IPCEF1: variants seen among roughly 807,000 people sequenced by gnomAD.
IPCEF1 encodes interactor protein for cytohesin exchange factors 1.
IPCEF1 carries 31 observed loss-of-function variants against 50.9 expected under a neutral mutation model. The ratio of observed to expected loss-of-function variants is 0.61; its 90% CI spans 0.46 to 0.82. The LOEUF is 0.82. Among genes scored for constraint, IPCEF1 ranks in the 40% least tolerant of loss-of-function variants. IPCEF1 has a pLI of 0.00. For missense variants in IPCEF1, 458 were observed against 514.0 expected, an observed-to-expected ratio of 0.89 and a Z score of 1.05; for synonymous variants, 181 against 192.0, an observed-to-expected ratio of 0.94 and a Z score of 0.47.
chr6:154,351,805 A>T (rs890536441), intron 1 of IPCEF1, among the ~76,000 whole-genome samples: 1 of 152,214 alleles, frequency 6.6e-6, no homozygotes, highest in Non-Finnish European at 1.5e-5. Flanking sequence ...AAATAGCATA[A>T]AAAGGAACAA....
At chr6:154,340,915 G>GTA (rs201360728) in intron 1 of IPCEF1, among the ~76,000 whole-genome samples, 1 of 101,572 alleles carries the variant, frequency 9.8e-6, no homozygotes, top group African/African-American at 3.4e-5. Flanking sequence ...ATATATGTGT[G>GTA]TATATATATG....
Position 154,160,052 on chromosome 6 carries a change from G to A in IPCEF1, c.1105-12C>T, listed in dbSNP as rs200583937. The A allele has an allele frequency of 3.2e-5, 50 of 1,582,918 alleles. No individual in the cohort carries two copies. In the African/African-American group the frequency reaches 3.8e-4, roughly 12 times the overall value. ...TCATGTTCTTTACACTGTGTGAGTA[G>A]AAAAAAAGGGGAAGGGGGTATGTTG... On this transcript the variant is annotated splice_polypyrimidine_tract_variant and intron_variant, in intron 11 of 11. Coordinates refer to ENST00000367220, the MANE Select transcript of IPCEF1 (RefSeq NM_001130700.2).
chr6:154,212,095 G>C (rs1054333598), intron 9 of IPCEF1, among the ~76,000 whole-genome samples: 3 of 152,144 alleles, frequency 2.0e-5, no homozygotes, highest in African/African-American at 7.2e-5. Context: ...CCTAGTACAT[G>C]GTAGGTATAA....
At chr6:154,206,709 T>G (rs879350466) in intron 9 of IPCEF1, among the ~76,000 whole-genome samples, 18 of 152,200 alleles carry the variant, frequency 1.2e-4, no homozygotes, top group Non-Finnish European at 1.9e-4. Flanking sequence ...TGAAGGAATC[T>G]ACATCTGAAG....
At chr6:154,317,172 CAT>C (rs373909101) in intron 1 of IPCEF1, among the ~76,000 whole-genome samples, 70 of 152,216 alleles carry the variant, frequency 4.6e-4, no homozygotes, top group African/African-American at 9.9e-4. Flanking sequence ...ATTCATCAAA[CAT>C]GTGTTTGTCA....
intron 2 of IPCEF1, among the ~76,000 whole-genome samples, chr6:154,266,559 A>AATATATATATATATATATAT (rs1781758473): frequency 2.0e-5 from 1 of 50,132 alleles, no homozygotes; most frequent in African/African-American, 7.5e-5. Flanking sequence ...ACTTAATATT[A>AATATATATATATATATATAT]CTATATATAT....
At chr6:154,317,606 G>A (rs922249563) in intron 1 of IPCEF1, among the ~76,000 whole-genome samples, 1 of 100,222 alleles carries the variant, frequency 1.0e-5, no homozygotes, top group African/African-American at 3.6e-5. Flanking sequence ...ACAAAAAAAT[G>A]TAAAAATGGC....
chr6:154,341,845 C>G (rs1269158212), intron 1 of IPCEF1, among the ~76,000 whole-genome samples: 2 of 152,166 alleles, frequency 1.3e-5, no homozygotes, highest in Non-Finnish European at 2.9e-5. Flanking sequence ...TTTATAATGT[C>G]TGTATGCCTT....
At chr6:154,323,406 G>A (rs1783439717) in intron 1 of IPCEF1, among the ~76,000 whole-genome samples, 1 of 151,720 alleles carries the variant, frequency 6.6e-6, no homozygotes. Flanking sequence ...GCTTTTTGAT[G>A]TTCCCCCTAT....
At chr6:154,189,354 T>C (rs577485652) in intron 10 of IPCEF1, among the ~76,000 whole-genome samples, 76 of 152,300 alleles carry the variant, frequency 5.0e-4, no homozygotes, top group African/African-American at 1.8e-3. Context: ...TAGGCATACA[T>C]CATGGCCAGC....
chr6:154,173,416 A>C (rs1800035798), intron 10 of IPCEF1, among the ~76,000 whole-genome samples: 1 of 151,926 alleles, frequency 6.6e-6, no homozygotes, highest in African/African-American at 2.4e-5. Context: ...GATGCTAAAA[A>C]CCTTGAAAAA....
At chr6:154,252,187 G>A (rs892920842) in intron 3 of IPCEF1, among the ~76,000 whole-genome samples, 6 of 152,102 alleles carry the variant, frequency 3.9e-5, no homozygotes, top group South Asian at 2.1e-4. Context: ...AATGACAAAC[G>A]CTCAACATCA....
At chr6:154,175,111 T>C (rs1800204228) in intron 10 of IPCEF1, among the ~76,000 whole-genome samples, 1 of 152,190 alleles carries the variant, frequency 6.6e-6, no homozygotes, top group Admixed American at 6.5e-5. Context: ...ATAAAGATGT[T>C]CTTTGAAACC....
intron 9 of IPCEF1, among the ~76,000 whole-genome samples, chr6:154,200,935 G>A (rs576946046): frequency 1.3e-5 from 2 of 152,224 alleles, no homozygotes; most frequent in South Asian, 4.2e-4. Context: ...CCCACATGTC[G>A]AGGGAGGGAC....
chr6:154,216,382 C>T (rs1778394030), intron 7 of IPCEF1, among the ~76,000 whole-genome samples: 2 of 151,844 alleles, frequency 1.3e-5, no homozygotes, highest in Non-Finnish European at 2.9e-5. Context: ...GTAATTGTGC[C>T]TTTGAAATTA....
At chr6:154,302,247 A>G (rs1413911004) in intron 1 of IPCEF1, among the ~76,000 whole-genome samples, 1 of 152,208 alleles carries the variant, frequency 6.6e-6, no homozygotes, top group African/African-American at 2.4e-5. Context: ...TGACTCCACA[A>G]ACCACTAGGT....
At chr6:154,291,111 C>G (rs1405624035) in intron 1 of IPCEF1, among the ~76,000 whole-genome samples, 2 of 152,098 alleles carry the variant, frequency 1.3e-5, no homozygotes, top group South Asian at 4.1e-4. Context: ...TCAGGCTGGT[C>G]TTGAACTCCT....
At chr6:154,319,467 G>T (rs147270756) in intron 1 of IPCEF1, among the ~76,000 whole-genome samples, 2 of 152,010 alleles carry the variant, frequency 1.3e-5, no homozygotes, top group African/African-American at 2.4e-5. Flanking sequence ...AAATATATTT[G>T]TTCAAAAAAT....
At chr6:154,289,291 ATTG>A (rs899253064) in intron 2 of IPCEF1, among the ~76,000 whole-genome samples, 5 of 151,758 alleles carry the variant, frequency 3.3e-5, no homozygotes, top group African/African-American at 1.2e-4. Context: ...TAAATATTTA[ATTG>A]TTATTATTAG....
Sources: gnomAD v4.1 joint callset for allele counts (sites outside exome capture counted in the v4.1 genomes callset) on GRCh38, gnomAD v4.1.1 for gene constraint, MANE v1.5 for transcripts, NCBI Gene and HGNC (gene_info 2026-07-23, HGNC 2026-07-21) for gene names.